Variants in ADAMTS20 observed in about 807,000 individuals in gnomAD.
ADAMTS20 encodes the protein A disintegrin and metalloproteinase with thrombospondin motifs 20.
Under a neutral mutation model 260.1 loss-of-function variants are expected in ADAMTS20, and 225 were observed. That is an observed-to-expected ratio of 0.87 (90% CI 0.78 to 0.97). The LOEUF (loss-of-function observed/expected upper bound fraction) is 0.97. ADAMTS20 is among the 50% of genes least tolerant of loss of function. The probability of loss-of-function intolerance (pLI) is 0.00; values close to 1 mark genes in which losing one functional copy is unlikely to be tolerated. For missense variants in ADAMTS20, 2,400 were observed against 2,337.7 expected (o/e 1.03, Z -0.55); for synonymous variants, 802 against 769.5 (o/e 1.04, Z -0.70).
chr12:43,477,134 C>A (rs1592089638), intron 7 of ADAMTS20, among the ~76,000 whole-genome samples: 1 of 150,204 alleles, frequency 6.7e-6, no homozygotes, highest in South Asian at 2.1e-4. Flanking sequence ...CTTTCATCAT[C>A]ACATTATACG....
Position 43,432,413 on chromosome 12 carries a change from T to C in ADAMTS20, c.2987A>G (p.Asn996Ser), listed in dbSNP as rs762875888. 85 of 1,613,840 alleles carry C rather than the reference T, an allele frequency of 5.3e-5. No individual in the cohort carries two copies. The highest frequency in any genetic ancestry group is 7.1e-5 in the Non-Finnish European group (84 of 1,179,844). ...ERSRESYCMN[N>S]FGHRLADNEC... ...ATTGTCAGCAAGACGATGGCCAAAGTTATTCATACAATAAGATTCTCGAGA... is the reference window on the plus strand; with the variant it reads ...ATTGTCAGCAAGACGATGGCCAAAGCTATTCATACAATAAGATTCTCGAGA... Residue 996 changes from asparagine (N) to serine (S), a missense_variant, in exon 21 of 39, where the codon AAC becomes AGC. Coordinates refer to ENST00000389420, the MANE Select transcript of ADAMTS20 (RefSeq NM_025003.5).
At chr12:43,392,850 T>TAAAG (rs1940624183) in intron 29 of ADAMTS20, among the ~76,000 whole-genome samples, 3 of 152,122 alleles carry the variant, frequency 2.0e-5, no homozygotes, top group Admixed American at 2.0e-4. Flanking sequence ...GCATATTCTT[T>TAAAG]AAATGTCAGC....
Position 43,523,077 on chromosome 12 carries a change from G to A in ADAMTS20, c.613+8959C>T, listed in dbSNP as rs549145290. ...CCACCTATTTAAAGGATTCTCTGGG[G>A]AACCTCCTGAAGGTTCATCCATTAG... On this transcript the variant is annotated intron_variant, in intron 3 of 38. Transcript: ENST00000389420. Among the ~76,000 whole-genome samples the A allele has an allele frequency of 4.6e-4, 70 of 152,232 alleles. 2 individuals carry two copies. Among genetic ancestry groups the A allele is most frequent in the African/African-American group, 1.6e-3 (65 of 41,544 alleles).
intron 28 of ADAMTS20, among the ~76,000 whole-genome samples, chr12:43,407,215 A>G (rs1481011982): frequency 6.6e-6 from 1 of 152,066 alleles, no homozygotes; most frequent in Non-Finnish European, 1.5e-5. Flanking sequence ...GACATTTAAA[A>G]ATTTAAAAAT....
chr12:43,376,761 A>C, intron 32 of ADAMTS20, 108 bp from the exon 33 acceptor site: 1 of 1,284,080 alleles, frequency 7.8e-7, no homozygotes, highest in Non-Finnish European at 1.1e-6. Flanking sequence ...ACTGAGGGTC[A>C]GTAGTGGCTA....
intron 2 of ADAMTS20, among the ~76,000 whole-genome samples, chr12:43,549,005 A>G (rs912124740): frequency 6.6e-6 from 1 of 152,064 alleles, no homozygotes; most frequent in South Asian, 2.1e-4. Flanking sequence ...TTAGTAAAAG[A>G]ACATTCAGAA....
Position 43,452,280 on chromosome 12 carries a change from C to T in ADAMTS20, c.2073G>A (p.Gln691=), listed in dbSNP as rs761916106. Residue 691 remains glutamine, a synonymous_variant, in exon 14 of 39, where the codon CAG becomes CAA. Transcript: ENST00000389420. ...TETHDICVQG[Q]CMAAGCDHVL... is the part of the protein sequence containing the mutation. The stretch of plus-strand genomic sequence containing the variant: ...AAACTTATAGTTTACTTACCATACA[C>T]TGGCCTTGAACACAGATGTCATGAG... The T allele has an allele frequency of 6.2e-7, 1 of 1,607,202 alleles. No individual in the cohort carries two copies. Among genetic ancestry groups the T allele is most frequent in the Non-Finnish European group, 8.5e-7 (1 of 1,177,854 alleles).
In ADAMTS20 at chr12:43,383,992, A is replaced by C; in HGVS notation, c.4453-15T>G. The C allele has an allele frequency of 6.3e-7, 1 of 1,587,332 alleles. No individual in the cohort carries two copies. The highest frequency in any genetic ancestry group is 8.6e-7 in the Non-Finnish European group (1 of 1,165,716). On this transcript the variant is annotated splice_polypyrimidine_tract_variant and intron_variant, in intron 29 of 38. Transcript: ENST00000389420. ...GTCACAGAGCACTACAAAGGAGTCC[A>C]GTTGATTTGAACAATTAGCTAATAA...
chr12:43,385,385 C>A (rs1940450059), intron 29 of ADAMTS20, among the ~76,000 whole-genome samples: 1 of 152,086 alleles, frequency 6.6e-6, no homozygotes, highest in East Asian at 1.9e-4. Context: ...AAATTTTCTC[C>A]CATTCTGTAA....
At chr12:43,427,496 C>A in intron 26 of ADAMTS20, 27 bp from the exon 27 acceptor site, 1 of 1,564,150 alleles carries the variant, frequency 6.4e-7, no homozygotes, top group Non-Finnish European at 8.7e-7. Flanking sequence ...ACAAAATATG[C>A]ACAAACTGCG....
intron 3 of ADAMTS20, among the ~76,000 whole-genome samples, chr12:43,503,010 TATAA>T (rs1942790070): frequency 6.6e-6 from 1 of 152,192 alleles, no homozygotes. Context: ...TTTGCTTATA[TATAA>T]ATACTGCATG....
chr12:43,509,068 C>G (rs1942886445), intron 3 of ADAMTS20, among the ~76,000 whole-genome samples: 1 of 152,132 alleles, frequency 6.6e-6, no homozygotes, highest in East Asian at 1.9e-4. Context: ...TACCTATGTT[C>G]CTGCAAAGGA....
chr12:43,519,883 C>T (rs1943048133), intron 3 of ADAMTS20, among the ~76,000 whole-genome samples: 1 of 152,134 alleles, frequency 6.6e-6, no homozygotes, highest in Non-Finnish European at 1.5e-5. Context: ...TTTCTACCTG[C>T]AGCCTCTCCA....
intron 10 of ADAMTS20, among the ~76,000 whole-genome samples, chr12:43,464,085 G>T (rs1942111162): frequency 6.6e-6 from 1 of 151,862 alleles, no homozygotes; most frequent in African/African-American, 2.4e-5. Flanking sequence ...AATGACAAAG[G>T]TATCTCATCT....
rs377073066 is a variant in ADAMTS20 at position 43,409,545 on chromosome 12, T to G, written c.4285-10312A>C. Among the ~76,000 whole-genome samples the G allele has an allele frequency of 3.4e-3, 420 of 122,664 alleles. 2 individuals are homozygous for G. The highest frequency in any genetic ancestry group is 0.013 in the African/African-American group (383 of 30,184). The allele number at this position is 122,664 out of a possible 152,430, so 80.5% of individuals were successfully genotyped here. The stretch of plus-strand genomic sequence containing the variant: ...TGAACCCGGGAGGCGGAGCTTGCAG[T>G]GAGCCGAGATCCCGCCACTGCACTC... On this transcript the variant is annotated intron_variant, in intron 28 of 38. Coordinates refer to ENST00000389420, the MANE Select transcript of ADAMTS20 (RefSeq NM_025003.5).
Position 43,462,960 on chromosome 12 carries a change from GC to G in ADAMTS20, c.1548del (p.Lys516AsnfsTer31). The G allele has an allele frequency of 6.2e-7, 1 of 1,608,616 alleles. No individual in the cohort carries two copies. The highest frequency in any genetic ancestry group is 8.5e-7 in the Non-Finnish European group (1 of 1,177,256). On this transcript the variant is annotated frameshift_variant, in exon 11 of 39. Transcript: ENST00000389420. LOFTEE classifies it high-confidence loss of function. The stretch of plus-strand genomic sequence containing the variant: ...TGTTGAGTGAAACAGCCTTTGTGAA[GC>G]TTTTCTGTGCTTGTGCACCACAGAT... ...CMHLWCTSTE[K>X]LHKGCFTQHV...
intron 37 of ADAMTS20, among the ~76,000 whole-genome samples, 161 bp downstream of exon 37, chr12:43,369,129 C>T (rs537140536): frequency 6.6e-5 from 10 of 152,138 alleles, no homozygotes; most frequent in Admixed American, 6.5e-4. Context: ...GATGCTTTTC[C>T]TCCAAAGGTT....
chr12:43,400,190 C>T (rs1343818161), intron 28 of ADAMTS20, among the ~76,000 whole-genome samples: 1 of 151,962 alleles, frequency 6.6e-6, no homozygotes, highest in African/African-American at 2.4e-5. Flanking sequence ...ACAATTTCAG[C>T]ATGATATATG....
Position 43,550,966 on chromosome 12 carries a change from G to T in ADAMTS20, c.396C>A (p.Arg132=), listed in dbSNP as rs1330212856. 1.2e-6 allele frequency: 2 copies of T among 1,602,404 alleles called. No homozygotes were observed. Among genetic ancestry groups the T allele is most frequent in the African/African-American group, 1.3e-5 (1 of 74,594 alleles). The change falls in exon 2 of 39, where the codon CGC becomes CGA. Residue 132 remains arginine, a synonymous_variant. Coordinates refer to ENST00000389420, the MANE Select transcript of ADAMTS20 (RefSeq NM_025003.5). The part of the protein sequence containing the change: ...GPSDLRHCFY[R]GQVNSQEDYK... ...AATCCTCCTGTGAGTTGACCTGGCC[G>T]CGGTAGAAGCAGTGGCGCAGGTCCG...
Sources: gnomAD v4.1 joint callset for allele counts (sites outside exome capture counted in the v4.1 genomes callset) on GRCh38, gnomAD v4.1.1 for gene constraint, MANE v1.5 for transcripts, NCBI Gene and HGNC (gene_info 2026-07-23, HGNC 2026-07-21) for gene names.